Variants in DNAJC2 observed in about 807,000 individuals in gnomAD.
DNAJC2 encodes the protein DnaJ heat shock protein family (Hsp40) member C2, also known as dnaJ homolog subfamily C member 2.
A neutral mutation model predicts 94.0 loss-of-function variants in DNAJC2; 32 were observed. That is an observed-to-expected ratio of 0.34 (90% confidence interval 0.26 to 0.46). DNAJC2 has a LOEUF of 0.46. Ranked by LOEUF, DNAJC2 falls within the 20% of genes least tolerant of loss-of-function variation. The probability of loss-of-function intolerance (pLI) is 1.00; values close to 1 mark genes in which losing one functional copy is unlikely to be tolerated. For missense variants in DNAJC2, 550 were observed against 719.5 expected (o/e 0.76, Z 2.69); for synonymous variants, 210 against 229.7 (o/e 0.91, Z 0.77).
In DNAJC2 at chr7:103,319,640, T is replaced by C; in HGVS notation, c.1211A>G (p.Lys404Arg). 6.2e-7 allele frequency: 1 copy of C among 1,614,162 alleles called. No homozygotes were observed. Among genetic ancestry groups the C allele is most frequent in the Non-Finnish European group, 8.5e-7 (1 of 1,180,034 alleles). ...TTCCAAAGCAGCCTTTCCTACTTCT[T>C]TTGTGCATGATGTGAGTGTTTCATT... ...CLNETLTSCT[K>R]EVGKAALEKQ... The change falls in exon 12 of 17, where the codon AAA (lysine) becomes AGA (arginine). Residue 404 changes from lysine (K) to arginine (R), a missense_variant. This residue lies in a region of DNAJC2 where 271 missense variants were observed against 302.6 expected (regional missense o/e 0.90). Coordinates refer to ENST00000379263, the MANE Select transcript of DNAJC2 (RefSeq NM_014377.3).
chr7:103,332,083 C>A (rs976078761), intron 3 of DNAJC2, among the ~76,000 whole-genome samples: 3 of 151,350 alleles, frequency 2.0e-5, no homozygotes, highest in African/African-American at 7.3e-5. Flanking sequence ...TGGCTCACTG[C>A]ATGCTCTGCC....
chr7:103,343,727 A>G (rs1023338394), intron 1 of DNAJC2, among the ~76,000 whole-genome samples: 2 of 152,222 alleles, frequency 1.3e-5, no homozygotes, highest in African/African-American at 4.8e-5. Flanking sequence ...GATTTCCTCC[A>G]CCTTACACAG....
chr7:103,319,528 G>A, intron 12 of DNAJC2, 81 bp downstream of exon 12: 1 of 1,276,910 alleles, frequency 7.8e-7, no homozygotes, highest in Middle Eastern at 2.3e-4. Flanking sequence ...TGCACTTGGT[G>A]ACTTATATAT....
At chr7:103,342,685 TGAAA>T (rs1819424764) in intron 1 of DNAJC2, among the ~76,000 whole-genome samples, 3 of 150,988 alleles carry the variant, frequency 2.0e-5, no homozygotes, top group Non-Finnish European at 4.4e-5. Context: ...CTTGGCTCAC[TGAAA>T]GCTCCGCCTC....
chr7:103,314,325 T>C, intron 15 of DNAJC2: 1 of 985,398 alleles, frequency 1.0e-6, no homozygotes, highest in Non-Finnish European at 1.2e-6. Flanking sequence ...AAATCACTAT[T>C]CAAAAAATGG....
intron 15 of DNAJC2, 39 bp from the exon 16 acceptor site, chr7:103,313,140 A>G (rs1402744994): frequency 6.3e-7 from 1 of 1,578,068 alleles, no homozygotes; most frequent in African/African-American, 1.4e-5. Flanking sequence ...CTGTCTTTGA[A>G]CATGTTCTCA....
intron 12 of DNAJC2, among the ~76,000 whole-genome samples, chr7:103,318,156 T>A (rs1046212991): frequency 1.3e-5 from 2 of 151,802 alleles, no homozygotes; most frequent in African/African-American, 4.8e-5. Context: ...CATTTCCCCA[T>A]AACATTTTTT....
intron 2 of DNAJC2, among the ~76,000 whole-genome samples, chr7:103,341,543 G>A (rs1349895845): frequency 6.6e-6 from 1 of 152,184 alleles, no homozygotes; most frequent in African/African-American, 2.4e-5. Context: ...TAAGACCGGT[G>A]CAAACATTAT....
At chr7:103,326,053 A>G (rs1358008639) in intron 5 of DNAJC2, among the ~76,000 whole-genome samples, 4 of 151,914 alleles carry the variant, frequency 2.6e-5, no homozygotes, top group Admixed American at 1.3e-4. Flanking sequence ...ACCTCGGCTC[A>G]CTGCAACCAC....
At chr7:103,319,457 C>T (rs1049369434) in intron 12 of DNAJC2, 152 bp downstream of exon 12, 10 of 836,600 alleles carry the variant, frequency 1.2e-5, no homozygotes, top group South Asian at 1.8e-5. Context: ...ACCAAAAAAC[C>T]GAACACATAA....
chr7:103,326,721 T>C, intron 4 of DNAJC2, 37 bp from the exon 5 acceptor site: 3 of 1,555,374 alleles, frequency 1.9e-6, no homozygotes, highest in Non-Finnish European at 2.6e-6. Flanking sequence ...TCACCATAAC[T>C]TTACCTATTT....
intron 13 of DNAJC2, chr7:103,316,427 A>G (rs1340141396): frequency 2.3e-5 from 5 of 220,990 alleles, no homozygotes; most frequent in African/African-American, 9.1e-5. Flanking sequence ...GGTTTCATCT[A>G]TAGAATTAGG....
chr7:103,326,986 C>T (rs1480188969), intron 4 of DNAJC2, among the ~76,000 whole-genome samples: 1 of 152,008 alleles, frequency 6.6e-6, no homozygotes, highest in East Asian at 1.9e-4. Context: ...ATTGTTAGAT[C>T]CCAAGGTTGT....
At position 103,316,959 on chromosome 7, in the gene DNAJC2, A is replaced by T; in HGVS notation, c.1298T>A (p.Met433Lys). 1 of 1,614,002 alleles carries T rather than the reference A, an allele frequency of 6.2e-7. No homozygotes were observed. Among genetic ancestry groups the T allele is most frequent in the Non-Finnish European group, 8.5e-7 (1 of 1,180,014 alleles). ...RKEKEEAEAR[M>K]RQASKNTEKS... ...CTCTGTGTTCTTAGATGCTTGTCGC[A>T]TACGAGCCTCAGCTTCCTCTTTCTC... The change falls in exon 13 of 17, where the codon ATG becomes AAG. Residue 433 changes from methionine to lysine, a missense_variant. By Grantham distance (95) the Met-to-Lys change is moderately conservative (BLOSUM62 -1). Transcript: ENST00000379263.
Position 103,324,544 on chromosome 7 carries a change from A to T in DNAJC2, c.591T>A (p.Asn197Lys), listed in dbSNP as rs746315471. The T allele has an allele frequency of 1.6e-5, 24 of 1,485,738 alleles. No individual in the cohort carries two copies. Among genetic ancestry groups the T allele is most frequent in the East Asian group, 9.7e-5 (4 of 41,078 alleles). 92.0% of individuals were successfully genotyped at this position (1,485,738 alleles called of 1,614,324 possible). ...ERNSRWSNKK[N>K]VPKLGDMNSS... ...AATTCATATCACCAAGTTTAGGAACATTTTTTTTATTTGACCATCTGAAAT... is the reference window on the plus strand; with the variant it reads ...AATTCATATCACCAAGTTTAGGAACTTTTTTTTTATTTGACCATCTGAAAT... Residue 197 changes from asparagine (N) to lysine (K), a missense_variant, in exon 6 of 17, where the codon AAT becomes AAA. Asn to Lys is a moderately conservative substitution (Grantham distance 94). This residue lies in a region of DNAJC2 where 279 missense variants were observed against 416.9 expected (regional missense o/e 0.67). Transcript: ENST00000379263.
Position 103,341,838 on chromosome 7 carries a change from C to T in DNAJC2, c.181G>A (p.Glu61Lys), listed in dbSNP as rs769562609. 2.5e-6 allele frequency: 4 copies of T among 1,612,096 alleles called. No individual in the cohort carries two copies. Among genetic ancestry groups the T allele is most frequent in the Admixed American group, 1.7e-5 (1 of 59,454 alleles). ...TGCAATTCTTCATCTTCTGATTCCT[C>T]GGATAACTCTTTCTTATCCTCCAGT... is the stretch of plus-strand genomic sequence containing the variant. ...QELEDKKELS[E>K]ESEDEELQLE... The change falls in exon 2 of 17, where the codon GAG becomes AAG. Residue 61 changes from glutamate to lysine, a missense_variant. This residue lies in a region of DNAJC2 where 279 missense variants were observed against 416.9 expected (regional missense o/e 0.67). Coordinates refer to ENST00000379263, the MANE Select transcript of DNAJC2 (RefSeq NM_014377.3).
At chr7:103,314,061 C>G in intron 15 of DNAJC2, 1 of 985,344 alleles carries the variant, frequency 1.0e-6, no homozygotes, top group Non-Finnish European at 1.2e-6. Context: ...ACCACCTATT[C>G]AAAACAAAGC....
intron 3 of DNAJC2, 51 bp downstream of exon 3, chr7:103,337,685 G>A (rs1273838534): frequency 2.9e-6 from 4 of 1,398,172 alleles, no homozygotes; most frequent in African/African-American, 2.8e-5. Context: ...AGCATAGCCA[G>A]CCTGTTCCTA....
chr7:103,327,525 G>GAT lies in DNAJC2; in HGVS notation c.430+129_430+130dup, dbSNP rs142680894. The GAT allele has an allele frequency of 1.1e-3, 769 of 723,368 alleles. 4 individuals are homozygous for GAT. In the African/African-American group the frequency reaches 0.013, roughly 12 times the overall value. The allele number at this position is 723,368 out of a possible 1,614,324, so 44.8% of individuals were successfully genotyped here. A position where few individuals can be genotyped will look rare whatever the true frequency, so the allele number is the denominator to read the frequency against. The stretch of plus-strand genomic sequence containing the variant: ...CTGGGGTGATGATTAGAAAGAACTT[G>GAT]ATATAACTAAAATGTTTTAAAATGT... On this transcript the variant is annotated intron_variant, in intron 4 of 16. Transcript: ENST00000379263.
Sources: allele counts gnomAD v4.1 joint callset (sites outside exome capture counted in the v4.1 genomes callset), GRCh38; gene constraint gnomAD v4.1.1; regional missense constraint gnomAD v4.1.1; transcripts MANE v1.5; gene names NCBI Gene and HGNC (gene_info 2026-07-23, HGNC 2026-07-21).